Variants in PTPN1 observed in about 807,000 individuals in gnomAD.
PTPN1 encodes the protein protein tyrosine phosphatase non-receptor type 1.
PTPN1 carries 12 observed loss-of-function variants against 59.9 expected under a neutral mutation model. The observed-to-expected ratio is 0.20, with a 90% CI of 0.13 to 0.32. PTPN1 has a LOEUF of 0.32. PTPN1 is among the 10% of genes least tolerant of loss of function. The pLI is 1.00. For missense variants in PTPN1, 356 were observed against 549.2 expected, an observed-to-expected ratio of 0.65 and a Z score of 3.52; for synonymous variants, 178 against 203.6, an observed-to-expected ratio of 0.87 and a Z score of 1.07.
At chr20:50,559,030 ATT>A (rs35277786) in intron 1 of PTPN1, among the ~76,000 whole-genome samples, 18 of 119,432 alleles carry the variant, frequency 1.5e-4, no homozygotes, top group South Asian at 2.7e-4. Flanking sequence ...ACGTCAGGGA[ATT>A]TTTTTTTTTT....
chr20:50,541,935 G>C (rs201500331), intron 1 of PTPN1, among the ~76,000 whole-genome samples: 2 of 152,126 alleles, frequency 1.3e-5, no homozygotes, highest in Non-Finnish European at 2.9e-5. Context: ...TGCTACTCTC[G>C]TTTTTACTAG....
At chr20:50,566,414 C>G (rs565749594) in intron 3 of PTPN1, among the ~76,000 whole-genome samples, 1 of 152,130 alleles carries the variant, frequency 6.6e-6, no homozygotes, top group African/African-American at 2.4e-5. Flanking sequence ...ACCCCGCATC[C>G]TAGCGCTTCC....
chr20:50,581,558 G>A, intron 9 of PTPN1, 98 bp downstream of exon 9: 1 of 1,324,036 alleles, frequency 7.6e-7, no homozygotes. Flanking sequence ...GTGCATCTGA[G>A]CCAGTCTCAG....
intron 9 of PTPN1, 84 bp downstream of exon 9, chr20:50,581,544 T>C (rs2082868969): frequency 1.4e-6 from 2 of 1,422,898 alleles, no homozygotes; most frequent in Non-Finnish European, 1.9e-6. Flanking sequence ...GATTCAGTTC[T>C]GTGGTGCATC....
At chr20:50,551,841 G>T (rs1188661758) in intron 1 of PTPN1, among the ~76,000 whole-genome samples, 1 of 152,112 alleles carries the variant, frequency 6.6e-6, no homozygotes, top group Non-Finnish European at 1.5e-5. Flanking sequence ...CTGTTTCATG[G>T]CAAGTTTATT....
intron 8 of PTPN1, among the ~76,000 whole-genome samples, chr20:50,581,008 C>T (rs999095710): frequency 2.6e-5 from 4 of 152,174 alleles, no homozygotes; most frequent in African/African-American, 4.8e-5. Flanking sequence ...CGCCCAGGCA[C>T]CTTGTGAACC....
intron 1 of PTPN1, among the ~76,000 whole-genome samples, chr20:50,547,486 C>T (rs1374178394): frequency 6.6e-6 from 1 of 152,066 alleles, no homozygotes; most frequent in Non-Finnish European, 1.5e-5. Flanking sequence ...GCCTCAGCCT[C>T]CCGAGTAGCT....
chr20:50,533,916 A>G lies in PTPN1; in HGVS notation c.63+23326A>G, dbSNP rs144423860. ...CAGAAGAGGAGCAGATTGTCTGGCT[A>G]TAGAAGCTGTCTTATTTTTTATTTT... is the stretch of plus-strand genomic sequence containing the variant. On this transcript the variant is annotated intron_variant, in intron 1 of 9. Transcript: ENST00000371621. 5.3e-4 allele frequency among the ~76,000 whole-genome samples: 80 copies of G among 152,238 alleles called. 2 individuals are homozygous for G. The South Asian group carries it at 0.014, about 27-fold the overall frequency.
At position 50,579,476 on chromosome 20, in the gene PTPN1, A is replaced by G. The variant is rs1013930751; in HGVS notation, c.864+147A>G. On this transcript the variant is annotated intron_variant, in intron 7 of 9. Transcript: ENST00000371621. ...GTTTAAAATAGCTAGAAAGTTGTCA[A>G]AATGTTCACCATGTTGCACTTTGTG... The G allele has an allele frequency of 2.1e-5, 23 of 1,104,214 alleles. No individual in the cohort carries two copies. The Admixed American group carries it at 2.8e-4, about 13-fold the overall frequency. 68.4% of individuals were successfully genotyped at this position (1,104,214 alleles called of 1,614,324 possible).
intron 4 of PTPN1, among the ~76,000 whole-genome samples, chr20:50,570,168 A>G (rs575541325): frequency 6.6e-6 from 1 of 152,350 alleles, no homozygotes; most frequent in African/African-American, 2.4e-5. Flanking sequence ...ATCAAAGGAA[A>G]CTTCAGCAGT....
At chr20:50,571,957 A>G (rs2082811730) in intron 4 of PTPN1, 1 of 152,112 alleles carries the variant, frequency 6.6e-6, no homozygotes, top group East Asian at 1.9e-4. Flanking sequence ...GGGTCCATAT[A>G]ATTCATTTTT....
In PTPN1 at chr20:50,574,674, C is replaced by G; in HGVS notation, c.492+20C>G. The G allele has an allele frequency of 6.3e-7, 1 of 1,589,754 alleles. No individual in the cohort carries two copies. The highest frequency in any genetic ancestry group is 8.5e-7 in the Non-Finnish European group (1 of 1,172,006). Reference sequence around the variant, plus strand: ...CTTACAGTGAGTATAGCACACACTTCAGCACTTCAGGCGGCTACTGGTTCA... The same window carrying G: ...CTTACAGTGAGTATAGCACACACTTGAGCACTTCAGGCGGCTACTGGTTCA... On this transcript the variant is annotated intron_variant, in intron 5 of 9. Transcript: ENST00000371621.
At chr20:50,547,489 G>A (rs4343530) in intron 1 of PTPN1, among the ~76,000 whole-genome samples, 25,653 of 151,710 alleles carry the variant, frequency 0.17, 3,151 homozygotes, top group African/African-American at 0.35. Context: ...TCAGCCTCCC[G>A]AGTAGCTGGG....
intron 1 of PTPN1, among the ~76,000 whole-genome samples, chr20:50,556,954 A>G (rs1302589877): frequency 6.6e-6 from 1 of 152,226 alleles, no homozygotes; most frequent in Non-Finnish European, 1.5e-5. Context: ...CAATAGACAT[A>G]TAATACAACC....
chr20:50,510,567 G>C lies in PTPN1; in HGVS notation c.40G>C (p.Gly14Arg). The C allele has an allele frequency of 6.4e-7, 1 of 1,550,922 alleles. No individual in the cohort carries two copies. The change falls in exon 1 of 10, where the codon GGG becomes CGG. Residue 14 changes from glycine to arginine, a missense_variant. By Grantham distance (125) the Gly-to-Arg change is moderately radical. Transcript: ENST00000371621. Reference sequence around the variant, plus strand: ...GGAGTTCGAGCAGATCGACAAGTCCGGGAGCTGGGCGGCCATTTACCAGGT... The same window carrying C: ...GGAGTTCGAGCAGATCGACAAGTCCCGGAGCTGGGCGGCCATTTACCAGGT... ...EKEFEQIDKS[G>R]SWAAIYQDIR...
chr20:50,537,050 C>T (rs1279852511), intron 1 of PTPN1, among the ~76,000 whole-genome samples: 8 of 152,140 alleles, frequency 5.3e-5, no homozygotes, highest in Admixed American at 2.6e-4. Flanking sequence ...CAGAGCTGAG[C>T]GCGGTGGCTC....
intron 1 of PTPN1, among the ~76,000 whole-genome samples, chr20:50,514,670 G>A (rs959656576): frequency 6.6e-6 from 1 of 152,170 alleles, no homozygotes; most frequent in Admixed American, 6.5e-5. Flanking sequence ...TCTGAGGCCT[G>A]CCTGAGCCTA....
intron 1 of PTPN1, among the ~76,000 whole-genome samples, chr20:50,548,342 C>A (rs1463955373): frequency 6.6e-6 from 1 of 152,012 alleles, no homozygotes; most frequent in Admixed American, 6.5e-5. Context: ...GGTTTTACTT[C>A]TTCCTGTTTT....
chr20:50,573,881 A>G (rs961030550), intron 4 of PTPN1: 2 of 152,278 alleles, frequency 1.3e-5, no homozygotes. Flanking sequence ...TTAATGAGCT[A>G]CATTTAAACT....
Sources: gnomAD v4.1 joint callset for allele counts (sites outside exome capture counted in the v4.1 genomes callset) on GRCh38, gnomAD v4.1.1 for gene constraint, MANE v1.5 for transcripts, NCBI Gene and HGNC (gene_info 2026-07-23, HGNC 2026-07-21) for gene names.